Variants in SMURF2 observed in about 807,000 individuals in gnomAD.
The protein encoded by SMURF2 is SMAD specific E3 ubiquitin protein ligase 2, also known as E3 ubiquitin-protein ligase SMURF2.
Under a neutral mutation model 109.6 loss-of-function variants are expected in SMURF2, and 48 were observed. That is an observed-to-expected ratio of 0.44 (90% CI 0.35 to 0.56). The LOEUF (loss-of-function observed/expected upper bound fraction) is 0.56. Among genes scored for constraint, SMURF2 ranks in the 20% least tolerant of loss-of-function variants. SMURF2 has a pLI of 0.01. For missense variants in SMURF2, 575 were observed against 909.0 expected (o/e 0.63, Z 4.72); for synonymous variants, 288 against 317.1 (o/e 0.91, Z 0.97).
intron 1 of SMURF2, among the ~76,000 whole-genome samples, chr17:64,631,279 G>GGGAGGGAGAGA (rs1970338627): frequency 1.3e-4 from 1 of 7,442 alleles, no homozygotes; most frequent in Non-Finnish European, 2.9e-4. Flanking sequence ...AGAGGGGGGG[G>GGGAGGGAGAGA]GGGAGAGAGA....
At chr17:64,644,136 G>T (rs7211732) in intron 1 of SMURF2, among the ~76,000 whole-genome samples, 1 of 152,108 alleles carries the variant, frequency 6.6e-6, no homozygotes, top group Non-Finnish European at 1.5e-5. Flanking sequence ...CTCCCAAGTA[G>T]TTGGGACTAC....
chr17:64,545,916 T>A lies in SMURF2; in HGVS notation c.2179A>T (p.Ser727Cys). ...AGCTTTTCATATAGCTTTTCATAGCTTTCATAGGGTGGAATGTCTATTCGA... is the reference window on the plus strand; with the variant it reads ...AGCTTTTCATATAGCTTTTCATAGCATTCATAGGGTGGAATGTCTATTCGA... ...FNRIDIPPYE[S>C]YEKLYEKLLT... The change falls in exon 19 of 19, where the codon AGC (serine) becomes TGC (cysteine). Residue 727 changes from serine to cysteine, a missense_variant. Around this residue, in one of 5 missense-constraint regions of SMURF2, gnomAD observed 361 missense variants for 612.1 expected, o/e 0.59. Transcript: ENST00000262435. 1.9e-6 allele frequency: 3 copies of A among 1,611,238 alleles called. No individual in the cohort carries two copies. The South Asian group carries it at 3.3e-5, about 18-fold the overall frequency.
intron 1 of SMURF2, among the ~76,000 whole-genome samples, chr17:64,646,620 C>T (rs1008978017): frequency 1.3e-5 from 2 of 150,636 alleles, no homozygotes; most frequent in Admixed American, 6.6e-5. Context: ...TGAGCTCAAG[C>T]GATCCATCCC....
At chr17:64,590,949 G>C (rs58251809) in intron 5 of SMURF2, 135 bp downstream of exon 5, 346 of 499,918 alleles carry the variant, frequency 6.9e-4, no homozygotes, top group African/African-American at 6.4e-3. Flanking sequence ...TGGATTCACT[G>C]TAACATTTTA....
intron 1 of SMURF2, among the ~76,000 whole-genome samples, chr17:64,607,910 G>T (rs1030207667): frequency 1.3e-5 from 2 of 150,308 alleles, no homozygotes; most frequent in East Asian, 3.9e-4. Context: ...GGTGGAGGCT[G>T]CAATGAGCCA....
chr17:64,574,112 ACC>A (rs140882667), intron 9 of SMURF2, among the ~76,000 whole-genome samples: 5,114 of 152,156 alleles, frequency 0.034, 284 homozygotes, highest in African/African-American at 0.12. Context: ...CTGCACATGT[ACC>A]CCTGAACCTA....
At chr17:64,647,567 G>C (rs1970575496) in intron 1 of SMURF2, among the ~76,000 whole-genome samples, 1 of 151,742 alleles carries the variant, frequency 6.6e-6, no homozygotes, top group Non-Finnish European at 1.5e-5. Flanking sequence ...TGTAATCCCA[G>C]TTACTCCGGA....
At chr17:64,587,120 G>A (rs1413145354) in intron 5 of SMURF2, among the ~76,000 whole-genome samples, 2 of 152,154 alleles carry the variant, frequency 1.3e-5, no homozygotes, top group Non-Finnish European at 2.9e-5. Flanking sequence ...AGGTTGCAGT[G>A]AGCCGTGATT....
At chr17:64,625,016 CTT>C (rs1231845473) in intron 1 of SMURF2, among the ~76,000 whole-genome samples, 2 of 152,144 alleles carry the variant, frequency 1.3e-5, no homozygotes, top group Non-Finnish European at 2.9e-5. Flanking sequence ...GATCCTCTCT[CTT>C]GGGAAACTAG....
chr17:64,638,935 G>C (rs1970457829), intron 1 of SMURF2, among the ~76,000 whole-genome samples: 1 of 152,286 alleles, frequency 6.6e-6, no homozygotes, highest in East Asian at 1.9e-4. Context: ...TTTCCCCATA[G>C]CCAGACCCCA....
At chr17:64,606,194 G>C (rs1969968359) in intron 2 of SMURF2, among the ~76,000 whole-genome samples, 1 of 152,248 alleles carries the variant, frequency 6.6e-6, no homozygotes, top group Non-Finnish European at 1.5e-5. Context: ...TTCCAAGCAG[G>C]CTCAATGACT....
intron 2 of SMURF2, among the ~76,000 whole-genome samples, chr17:64,598,957 A>G (rs1461015067): frequency 2.0e-5 from 3 of 152,242 alleles, no homozygotes; most frequent in South Asian, 4.1e-4. Context: ...CTGAATAACT[A>G]CCAGGAAAAA....
Position 64,547,894 on chromosome 17 carries a change from T to C in SMURF2, c.1870-93A>G. ...AACTTTAGGTTTGTACTGCTGGCTG[T>C]CATTTGGTGGTTCCTAATTAAAGAT... On this transcript the variant is annotated intron_variant, in intron 16 of 18. Coordinates refer to ENST00000262435, the MANE Select transcript of SMURF2 (RefSeq NM_022739.4). This position sits in a 1 kb window ranked among gnomAD's most constrained non-coding sequence, Gnocchi z 4.2. 9.6e-7 allele frequency: 1 copy of C among 1,037,414 alleles called. No homozygotes were observed. The highest frequency in any genetic ancestry group is 1.5e-6 in the Non-Finnish European group (1 of 682,194). 64.3% of individuals were successfully genotyped at this position (1,037,414 alleles called of 1,614,324 possible). A position where few individuals can be genotyped will look rare whatever the true frequency, so the allele number is the denominator to read the frequency against.
At chr17:64,617,869 T>G (rs1334638612) in intron 1 of SMURF2, among the ~76,000 whole-genome samples, 1 of 152,160 alleles carries the variant, frequency 6.6e-6, no homozygotes, top group African/African-American at 2.4e-5. Context: ...AAGATTTTGG[T>G]AAAGTTCTCA....
At position 64,545,799 on chromosome 17, in the gene SMURF2, G is replaced by T; in HGVS notation, c.*49C>A. On this transcript the variant is annotated 3_prime_UTR_variant, in exon 19 of 19. Transcript: ENST00000262435. Reference sequence around the variant, plus strand: ...TTTGAAACTCTGCTGAAAGGAGGCTGTCAGTCAGGGTTGTATAAATAGAGT... The same window carrying T: ...TTTGAAACTCTGCTGAAAGGAGGCTTTCAGTCAGGGTTGTATAAATAGAGT... 1 of 933,402 alleles carries T rather than the reference G, an allele frequency of 1.1e-6. No individual in the cohort carries two copies. The highest frequency in any genetic ancestry group is 1.7e-6 in the Non-Finnish European group (1 of 589,144). The allele number at this position is 933,402 out of a possible 1,614,324, so 57.8% of individuals were successfully genotyped here.
chr17:64,555,579 A>G (rs1969106892), intron 14 of SMURF2, among the ~76,000 whole-genome samples: 1 of 152,246 alleles, frequency 6.6e-6, no homozygotes. Flanking sequence ...TATATAAAGT[A>G]CTTTTAAAAA....
At chr17:64,584,341 C>G (rs1397631814) in intron 6 of SMURF2, among the ~76,000 whole-genome samples, 17 of 144,158 alleles carry the variant, frequency 1.2e-4, no homozygotes, top group Non-Finnish European at 2.5e-4. Context: ...AAAATCGAAA[C>G]AGCTACTTTC....
At chr17:64,546,932 C>T (rs1369049631) in intron 17 of SMURF2, among the ~76,000 whole-genome samples, 2 of 152,244 alleles carry the variant, frequency 1.3e-5, no homozygotes, top group Non-Finnish European at 2.9e-5. Flanking sequence ...GTGGGCAGCA[C>T]TGTCGAATTA....
intron 1 of SMURF2, among the ~76,000 whole-genome samples, chr17:64,616,840 G>A (rs1330967071): frequency 4.0e-5 from 6 of 151,512 alleles, no homozygotes; most frequent in African/African-American, 7.3e-5. Flanking sequence ...ACGTCTAGGC[G>A]GGCTGATGGT....
Sources: gnomAD v4.1 joint callset for allele counts (sites outside exome capture counted in the v4.1 genomes callset) on GRCh38, gnomAD v4.1.1 for gene constraint, gnomAD v4.1.1 regional missense constraint, Gnocchi (gnomAD v3.1) non-coding constraint, MANE v1.5 for transcripts, NCBI Gene and HGNC (gene_info 2026-07-23, HGNC 2026-07-21) for gene names.